The following MBOAT4 variants were observed in gnomAD, a reference collection of about 807,000 sequenced individuals.
The protein encoded by MBOAT4 is membrane bound ghrelin O-acyltransferase MBOAT4.
Under a neutral mutation model 13.2 loss-of-function variants are expected in MBOAT4, and 11 were observed. The observed-to-expected ratio is 0.84, with a 90% CI of 0.53 to 1.38. The LOEUF (loss-of-function observed/expected upper bound fraction) is 1.38, where lower values mean the gene tolerates loss of function less well. MBOAT4 is among the 40% of genes most tolerant of loss of function. The pLI, the probability that MBOAT4 is intolerant of heterozygous loss-of-function variation, is 0.00. For missense variants in MBOAT4, 481 were observed against 527.2 expected, an observed-to-expected ratio of 0.91 and a Z score of 0.86; for synonymous variants, 202 against 210.3, an observed-to-expected ratio of 0.96 and a Z score of 0.34.
At chr8:30,144,371 AGTGATCTGCCCGCCT>A in intron 1 of MBOAT4, 97 bp downstream of exon 1, 1 of 701,990 alleles carries the variant, frequency 1.4e-6, no homozygotes, top group Non-Finnish European at 2.3e-6. Context: ...CCTGGCCTCA[AGTGATCTGCCCGCCT>A]CAGCCTCCCA....
At chr8:30,142,220 G>A (rs1046996025) in intron 1 of MBOAT4, among the ~76,000 whole-genome samples, 1 of 152,178 alleles carries the variant, frequency 6.6e-6, no homozygotes, top group African/African-American at 2.4e-5. Context: ...ATAACCCCAT[G>A]AGATAGGCAT....
intron 1 of MBOAT4, among the ~76,000 whole-genome samples, chr8:30,140,412 G>A (rs1803243799): frequency 6.6e-6 from 1 of 152,082 alleles, no homozygotes; most frequent in Non-Finnish European, 1.5e-5. Context: ...ACTCTTTTTT[G>A]TCAGCACCAA....
intron 1 of MBOAT4, among the ~76,000 whole-genome samples, chr8:30,141,797 C>T (rs751125971): frequency 5.3e-5 from 8 of 152,194 alleles, no homozygotes; most frequent in Non-Finnish European, 7.3e-5. Context: ...ATGTGTGTCA[C>T]GGCTCCGGGC....
chr8:30,143,602 T>G (rs1803300743), intron 1 of MBOAT4, among the ~76,000 whole-genome samples: 1 of 152,084 alleles, frequency 6.6e-6, no homozygotes, highest in African/African-American at 2.4e-5. Context: ...ATTTGATATT[T>G]AAAAAATCAT....
intron 2 of MBOAT4, chr8:30,137,505 A>G: frequency 1.3e-6 from 2 of 1,546,612 alleles, no homozygotes; most frequent in Non-Finnish European, 1.8e-6. Flanking sequence ...CACAATGACA[A>G]CTACTGCTCA....
chr8:30,138,642 A>G lies in MBOAT4; in HGVS notation c.234T>C (p.Ala78=), dbSNP rs4733141. Residue 78 remains alanine (A), a synonymous_variant, in exon 2 of 3, where the codon GCT becomes GCC. Coordinates refer to ENST00000320542, the MANE Select transcript of MBOAT4 (RefSeq NM_001100916.2). ...AGGTCCACCTGTGGACTTGCTGAGG[A>G]GCCAGGGAACAGAGGAGAGCCACAG... ...VCAVALLCSL[A]PQQVHRWTFC... 1,464,336 of 1,551,512 alleles carry G rather than the reference A, an allele frequency of 0.94. 693,187 individuals are homozygous for G. The highest frequency in any genetic ancestry group is 0.96 in the Middle Eastern group (5,676 of 5,888).
In MBOAT4 at chr8:30,138,708, C is replaced by G. The variant is rs1803203115; in HGVS notation, c.168G>C (p.Met56Ile). ...TGAAGACGAGCACGGCGTAGGAACC[C>G]ATGGCAGCCACGGCCAGGGCACCTC... is the stretch of plus-strand genomic sequence containing the variant. ...TGGGALAVAA[M>I]GSYAVLVFTP... is the part of the protein sequence containing the mutation. The change falls in exon 2 of 3, where the codon ATG (methionine) becomes ATC (isoleucine). Residue 56 changes from methionine (M) to isoleucine (I), a missense_variant. Coordinates refer to ENST00000320542, the MANE Select transcript of MBOAT4 (RefSeq NM_001100916.2). 1.3e-6 allele frequency: 2 copies of G among 1,550,304 alleles called. No individual in the cohort carries two copies. Among genetic ancestry groups the G allele is most frequent in the African/African-American group, 1.4e-5 (1 of 73,010 alleles).
intron 1 of MBOAT4, among the ~76,000 whole-genome samples, chr8:30,143,894 G>A (rs1237494443): frequency 6.6e-6 from 1 of 152,136 alleles, no homozygotes; most frequent in Non-Finnish European, 1.5e-5. Flanking sequence ...CTGTACCATC[G>A]CAACAACCAT....
intron 2 of MBOAT4, among the ~76,000 whole-genome samples, chr8:30,134,751 T>C (rs1368361394): frequency 3.9e-5 from 6 of 152,214 alleles, no homozygotes; most frequent in African/African-American, 1.4e-4. Flanking sequence ...TTTCGCCATG[T>C]CTGCCAGGCT....
Position 30,132,781 on chromosome 8 carries a change from T to C in MBOAT4, c.470A>G (p.Glu157Gly), listed in dbSNP as rs546935755. Residue 157 changes from glutamate to glycine, a missense_variant, in exon 3 of 3, where the codon GAG becomes GGG. Physicochemically the swap from Glu to Gly is moderately conservative, Grantham distance 98 (BLOSUM62 -2). Coordinates refer to ENST00000320542, the MANE Select transcript of MBOAT4 (RefSeq NM_001100916.2). ...ATAGGGCAGTGCCTTACACACATGC[T>C]CAGACAAAGAGCTCCTGCTCCTGAA... ...GGFRSRSSLS[E>G]HVCKALPYFS... The C allele has an allele frequency of 6.4e-7, 1 of 1,551,700 alleles. No individual in the cohort carries two copies. The highest frequency in any genetic ancestry group is 1.4e-5 in the African/African-American group (1 of 73,162).
chr8:30,140,806 T>A (rs1803248988), intron 1 of MBOAT4, among the ~76,000 whole-genome samples: 1 of 152,130 alleles, frequency 6.6e-6, no homozygotes, highest in Non-Finnish European at 1.5e-5. Flanking sequence ...TTCATGATAG[T>A]GGCCAATTTT....
chr8:30,132,062 C>T lies in MBOAT4; in HGVS notation c.1189G>A (p.Val397Met). ...AGAGAGGAGAGACTCCTGACCTCCACAGCCAGCATGATGTAGGCAATGATC... is the reference window on the plus strand; with the variant it reads ...AGAGAGGAGAGACTCCTGACCTCCATAGCCAGCATGATGTAGGCAATGATC... ...QLIIAYIMLA[V>M]EVRSLSSLWL... Residue 397 changes from valine (V) to methionine (M), a missense_variant, in exon 3 of 3, where the codon GTG becomes ATG. Coordinates refer to ENST00000320542, the MANE Select transcript of MBOAT4 (RefSeq NM_001100916.2). The T allele has an allele frequency of 6.4e-7, 1 of 1,551,800 alleles. No individual in the cohort carries two copies.
intron 1 of MBOAT4, among the ~76,000 whole-genome samples, chr8:30,143,353 A>AG (rs1803293722): frequency 4.2e-4 from 1 of 2,396 alleles, no homozygotes; most frequent in East Asian, 4.8e-3. Flanking sequence ...GTCTCAAAAA[A>AG]AAAAAAAAAA....
intron 2 of MBOAT4, among the ~76,000 whole-genome samples, chr8:30,136,002 ACTG>A: frequency 6.6e-6 from 1 of 152,246 alleles, no homozygotes; most frequent in Non-Finnish European, 1.5e-5. Flanking sequence ...CAGTCTTCTA[ACTG>A]CTGCTGTTTC....
chr8:30,137,970 A>G, intron 2 of MBOAT4: 1 of 195,834 alleles, frequency 5.1e-6, no homozygotes, highest in Admixed American at 5.3e-5. Context: ...TTGATGGATC[A>G]GCTGGTACTA....
chr8:30,138,522 G>C lies in MBOAT4; in HGVS notation c.344+10C>G. 6.5e-7 allele frequency: 1 copy of C among 1,540,602 alleles called. No individual in the cohort carries two copies. The highest frequency in any genetic ancestry group is 8.8e-7 in the Non-Finnish European group (1 of 1,138,028). On this transcript the variant is annotated intron_variant, in intron 2 of 2. Transcript: ENST00000320542. Reference sequence around the variant, plus strand: ...GTGGGCTGAGCATGACCAACGAACAGGCTGCTTACCTCACAGAAGGAGGCT... The same window carrying C: ...GTGGGCTGAGCATGACCAACGAACACGCTGCTTACCTCACAGAAGGAGGCT...
At chr8:30,135,921 A>AG (rs1025495454) in intron 2 of MBOAT4, among the ~76,000 whole-genome samples, 4 of 151,450 alleles carry the variant, frequency 2.6e-5, no homozygotes, top group Admixed American at 2.6e-4. Context: ...CTGAAAAAAA[A>AG]AAAAAAAAGG....
intron 2 of MBOAT4, among the ~76,000 whole-genome samples, chr8:30,133,633 T>C (rs1803074172): frequency 6.6e-6 from 1 of 151,424 alleles, no homozygotes; most frequent in African/African-American, 2.4e-5. Context: ...TTGAAAGTTG[T>C]GGGAATAAAA....
intron 1 of MBOAT4, among the ~76,000 whole-genome samples, chr8:30,144,065 CAA>C (rs148823821): frequency 0.013 from 1,913 of 152,108 alleles, 40 homozygotes; most frequent in East Asian, 0.056. Flanking sequence ...AAGTTAAAAA[CAA>C]GTGTAATTAA....
Sources: allele counts gnomAD v4.1 joint callset (sites outside exome capture counted in the v4.1 genomes callset), GRCh38; gene constraint gnomAD v4.1.1; transcripts MANE v1.5; gene names NCBI Gene and HGNC (gene_info 2026-07-23, HGNC 2026-07-21).